The following TRIM51 variants were observed in gnomAD, a reference collection of about 807,000 sequenced individuals.
The protein encoded by TRIM51 is tripartite motif-containing protein 51.
Under a neutral mutation model 32.7 loss-of-function variants are expected in TRIM51, and 23 were observed. The ratio of observed to expected loss-of-function variants is 0.70; its 90% confidence interval spans 0.51 to 1.00. The LOEUF (loss-of-function observed/expected upper bound fraction) is 1.00, where lower values mean the gene tolerates loss of function less well. Ranked by LOEUF, TRIM51 falls within the 50% of genes least tolerant of loss-of-function variation. The pLI is 0.00. For missense variants in TRIM51, 592 were observed against 539.2 expected (o/e 1.10, Z -0.97); for synonymous variants, 177 against 181.9 (o/e 0.97, Z 0.22).
At chr11:55,884,751 GA>G (rs1854553292) in intron 1 of TRIM51, among the ~76,000 whole-genome samples, 6 of 151,932 alleles carry the variant, frequency 3.9e-5, no homozygotes, top group Non-Finnish European at 7.4e-5. Context: ...GTAATATAAT[GA>G]TATATATTTC....
intron 1 of TRIM51, among the ~76,000 whole-genome samples, chr11:55,884,105 T>A (rs1854541640): frequency 7.1e-6 from 1 of 140,974 alleles, no homozygotes; most frequent in Non-Finnish European, 1.5e-5. Context: ...CAGTTTGTAT[T>A]GGTCAGGGTT....
intron 1 of TRIM51, 149 bp from the exon 2 acceptor site, chr11:55,885,276 G>T (rs1321224551): frequency 1.0e-5 from 9 of 890,252 alleles, no homozygotes; most frequent in Admixed American, 4.5e-5. Context: ...CTTTGTGTTT[G>T]AATTTTTCAT....
At chr11:55,884,025 C>A (rs1315734627) in intron 1 of TRIM51, among the ~76,000 whole-genome samples, 1 of 151,428 alleles carries the variant, frequency 6.6e-6, no homozygotes, top group Admixed American at 6.6e-5. Flanking sequence ...TCACTCTTGG[C>A]ACTTAAATTC....
intron 4 of TRIM51, 40 bp downstream of exon 4, chr11:55,888,302 A>T (rs757743481): frequency 4.8e-6 from 7 of 1,467,690 alleles, no homozygotes; most frequent in Non-Finnish European, 3.8e-6. Flanking sequence ...TTGAACATTC[A>T]CATACATGGG....
Position 55,891,580 on chromosome 11 carries a change from A to G in TRIM51, c.1307A>G (p.Asn436Ser), listed in dbSNP as rs1456181626. The change falls in exon 7 of 7, where the codon AAT becomes AGT. Residue 436 changes from asparagine (N) to serine (S), a missense_variant. Physicochemically the swap from Asn to Ser is conservative, Grantham distance 46. Coordinates refer to ENST00000449290, the MANE Select transcript of TRIM51 (RefSeq NM_032681.4). ...DQSSLIYTIP[N>S]CSFSPPLRPI... Reference sequence around the variant, plus strand: ...AGTTCCCTGATATACACCATCCCCAATTGCTCCTTCTCACCTCCTCTCAGG... The same window carrying G: ...AGTTCCCTGATATACACCATCCCCAGTTGCTCCTTCTCACCTCCTCTCAGG... The G allele has an allele frequency of 3.7e-6, 6 of 1,613,276 alleles. No individual in the cohort carries two copies. In the African/African-American group the frequency reaches 5.3e-5, roughly 14 times the overall value.
intron 6 of TRIM51, 79 bp from the exon 7 acceptor site, chr11:55,891,054 G>A: frequency 8.3e-7 from 1 of 1,207,596 alleles, no homozygotes; most frequent in Non-Finnish European, 1.1e-6. Flanking sequence ...GTAAACTCTT[G>A]GTAGAACAAC....
chr11:55,888,448 T>C (rs1854606109), intron 4 of TRIM51, among the ~76,000 whole-genome samples, 186 bp downstream of exon 4: 1 of 152,204 alleles, frequency 6.6e-6, no homozygotes, highest in Non-Finnish European at 1.5e-5. Context: ...CGAAGGTCCC[T>C]CCTACTTCAT....
At chr11:55,884,853 T>G (rs907705243) in intron 1 of TRIM51, among the ~76,000 whole-genome samples, 1 of 152,024 alleles carries the variant, frequency 6.6e-6, no homozygotes, top group African/African-American at 2.4e-5. Flanking sequence ...AAACCCAACA[T>G]TTTTCATTAT....
rs143686383 is a variant in TRIM51 at position 55,885,601 on chromosome 11, C to A, written c.173C>A (p.Thr58Lys). ...VLAQCSECKK[T>K]TRQRNLNTDI... The stretch of plus-strand genomic sequence containing the variant: ...GCTCAGTGCTCTGAATGCAAGAAGA[C>A]AACGCGGCAGAGAAACCTCAACACT... Residue 58 changes from threonine (T) to lysine (K), a missense_variant, in exon 2 of 7, where the codon ACA becomes AAA. Coordinates refer to ENST00000449290, the MANE Select transcript of TRIM51 (RefSeq NM_032681.4). 1.2e-6 allele frequency: 2 copies of A among 1,611,538 alleles called. No homozygotes were observed. Among genetic ancestry groups the A allele is most frequent in the Non-Finnish European group, 1.7e-6 (2 of 1,179,570 alleles).
chr11:55,885,491 C>T lies in TRIM51; in HGVS notation c.63C>T (p.Tyr21=). 6.2e-7 allele frequency: 1 copy of T among 1,611,990 alleles called. No individual in the cohort carries two copies. Among genetic ancestry groups the T allele is most frequent in the Non-Finnish European group, 8.5e-7 (1 of 1,179,724 alleles). Residue 21 remains tyrosine (Y), a synonymous_variant, in exon 2 of 7, where the codon TAC becomes TAT. Coordinates refer to ENST00000449290, the MANE Select transcript of TRIM51 (RefSeq NM_032681.4). ...RALTCPICMN[Y]FLDPVTIDCG... ...TCACCTGTCCCATCTGCATGAACTA[C>T]TTCCTAGACCCAGTCACCATAGACT...
chr11:55,890,064 T>C (rs764258888), intron 6 of TRIM51, 25 bp downstream of exon 6: 1 of 1,516,322 alleles, frequency 6.6e-7, no homozygotes, highest in African/African-American at 1.4e-5. Context: ...ATTGGCAGAA[T>C]TCCCACAGTC....
intron 3 of TRIM51, among the ~76,000 whole-genome samples, chr11:55,887,397 A>G (rs1030322123): frequency 1.3e-5 from 2 of 151,662 alleles, no homozygotes; most frequent in Admixed American, 6.6e-5. Flanking sequence ...ATATACCTAT[A>G]TTTGAGAAAT....
At chr11:55,889,720 G>A (rs1045522103) in intron 5 of TRIM51, among the ~76,000 whole-genome samples, 5 of 152,134 alleles carry the variant, frequency 3.3e-5, no homozygotes, top group African/African-American at 7.2e-5. Flanking sequence ...GGAGCAATAC[G>A]AAGAAAGATC....
rs147581399 is a variant in TRIM51, at chr11:55,891,209, A to C, written c.936A>C (p.Gly312=). The change falls in exon 7 of 7, where the codon GGA becomes GGC. Residue 312 remains glycine, a synonymous_variant. Coordinates refer to ENST00000449290, the MANE Select transcript of TRIM51 (RefSeq NM_032681.4). ...GAGATTTGAGAAGCATGAATGTTGG[A>C]TGTGACCCTCAAGATGATCCCGATA... ...LCGDLRSMNV[G]CDPQDDPDIT... 38 of 1,604,116 alleles carry C rather than the reference A, an allele frequency of 2.4e-5. No individual in the cohort carries two copies. In the African/African-American group the frequency reaches 4.7e-4, roughly 20 times the overall value.
intron 4 of TRIM51, 151 bp downstream of exon 4, chr11:55,888,413 G>T (rs1048157426): frequency 2.9e-6 from 2 of 697,888 alleles, no homozygotes; most frequent in African/African-American, 3.6e-5. Context: ...GGAGGGTATA[G>T]CCTCTCCTAG....
intron 3 of TRIM51, among the ~76,000 whole-genome samples, chr11:55,887,487 A>G (rs1590633458): frequency 1.3e-5 from 2 of 152,000 alleles, no homozygotes; most frequent in African/African-American, 4.8e-5. Context: ...ATGTACAGTA[A>G]TATTTAATTT....
chr11:55,889,090 A>C (rs1181145324), intron 5 of TRIM51, 89 bp downstream of exon 5: 6 of 1,152,948 alleles, frequency 5.2e-6, no homozygotes, highest in Non-Finnish European at 7.9e-6. Flanking sequence ...ATTGATTCAG[A>C]TAGTGATACT....
In TRIM51 at chr11:55,888,344, C is replaced by A; in HGVS notation, c.738+82C>A. Reference sequence around the variant, plus strand: ...TCCTCTCTCCTGAACTCCGTCTCCCCCTTCACTTCCATTATTTGTTTCCAA... The same window carrying A: ...TCCTCTCTCCTGAACTCCGTCTCCCACTTCACTTCCATTATTTGTTTCCAA... On this transcript the variant is annotated intron_variant, in intron 4 of 6. Coordinates refer to ENST00000449290, the MANE Select transcript of TRIM51 (RefSeq NM_032681.4). 6.8e-6 allele frequency: 7 copies of A among 1,030,464 alleles called. No homozygotes were observed. The South Asian group carries it at 7.8e-5, about 12-fold the overall frequency. 63.8% of individuals were successfully genotyped at this position (1,030,464 alleles called of 1,614,324 possible).
intron 1 of TRIM51, among the ~76,000 whole-genome samples, chr11:55,884,457 T>C (rs1480266180): frequency 1.3e-5 from 2 of 150,540 alleles, no homozygotes; most frequent in Non-Finnish European, 3.0e-5. Flanking sequence ...AGGCTGTCAT[T>C]AAGGTAGTGT....
Sources: gnomAD v4.1 joint callset for allele counts (sites outside exome capture counted in the v4.1 genomes callset) on GRCh38, gnomAD v4.1.1 for gene constraint, MANE v1.5 for transcripts, NCBI Gene and HGNC (gene_info 2026-07-23, HGNC 2026-07-21) for gene names.